Variants in SIPA1L3 observed in about 807,000 individuals in gnomAD.
SIPA1L3 encodes signal induced proliferation associated 1 like 3.
Under a neutral mutation model 150.1 loss-of-function variants are expected in SIPA1L3, and 59 were observed. The observed-to-expected ratio is 0.39, with a 90% confidence interval of 0.32 to 0.49. The LOEUF is 0.49. Among genes scored for constraint, SIPA1L3 ranks in the 20% least tolerant of loss-of-function variants. SIPA1L3 has a pLI of 0.86. For synonymous variants in SIPA1L3, 1,070 were observed against 1,077.6 expected, an observed-to-expected ratio of 0.99 and a Z score of 0.14; for missense variants, 2,211 against 2,489.5, an observed-to-expected ratio of 0.89 and a Z score of 2.38.
chr19:37,921,237 G>A (rs1196301191), intron 1 of SIPA1L3, among the ~76,000 whole-genome samples: 3 of 152,224 alleles, frequency 2.0e-5, no homozygotes, highest in Admixed American at 2.0e-4. Flanking sequence ...GCCGGCCGGC[G>A]TGCGCTCCCC....
rs1021645516 is a variant in SIPA1L3, at chr19:38,112,337, G to T, written c.2291+1953G>T. On this transcript the variant is annotated intron_variant, in intron 8 of 21. Coordinates refer to ENST00000222345, the MANE Select transcript of SIPA1L3 (RefSeq NM_015073.3). ...ATACACACATGCACACACTGGAAAA[G>T]GAGGCAGCCTTCTTATGATGCATCA... Among the ~76,000 whole-genome samples, 23 of 152,128 alleles carry T rather than the reference G, an allele frequency of 1.5e-4. 1 individual carries two copies. The highest frequency in any genetic ancestry group is 1.0e-3 in the Admixed American group (16 of 15,250).
intron 15 of SIPA1L3, among the ~76,000 whole-genome samples, 156 bp from the exon 16 acceptor site, chr19:38,182,363 G>A (rs1009741819): frequency 2.3e-4 from 35 of 152,182 alleles, no homozygotes; most frequent in South Asian, 6.2e-4. Context: ...ACAGATAGGC[G>A]TCTATACTGT....
chr19:37,918,501 G>T (rs978981086), intron 1 of SIPA1L3, among the ~76,000 whole-genome samples: 50 of 151,878 alleles, frequency 3.3e-4, no homozygotes, highest in African/African-American at 1.2e-3. Context: ...CTTGTGATCC[G>T]CCTGCCTCGG....
intron 2 of SIPA1L3, among the ~76,000 whole-genome samples, chr19:38,060,850 C>T (rs1349637506): frequency 6.6e-6 from 1 of 152,096 alleles, no homozygotes; most frequent in East Asian, 1.9e-4. Flanking sequence ...TGCCACCACA[C>T]CCAGCTAATT....
intron 18 of SIPA1L3, among the ~76,000 whole-genome samples, chr19:38,195,796 C>G (rs1445324305): frequency 9.1e-6 from 1 of 109,884 alleles, no homozygotes; most frequent in Non-Finnish European, 1.9e-5. Context: ...GGCCCCGTCC[C>G]CCCCCGCCCC....
intron 4 of SIPA1L3, among the ~76,000 whole-genome samples, chr19:38,090,055 C>A (rs961102224): frequency 6.6e-6 from 1 of 152,090 alleles, no homozygotes; most frequent in African/African-American, 2.4e-5. Flanking sequence ...ACTGGCCAGG[C>A]GCAGTGGCTC....
At chr19:37,948,756 T>A (rs1050694221) in intron 1 of SIPA1L3, among the ~76,000 whole-genome samples, 5 of 152,088 alleles carry the variant, frequency 3.3e-5, no homozygotes, top group Admixed American at 6.6e-5. Flanking sequence ...CGTAATGTTA[T>A]GTAGTGAGAA....
intron 16 of SIPA1L3, among the ~76,000 whole-genome samples, chr19:38,189,421 A>G (rs1487816028): frequency 1.3e-5 from 2 of 151,924 alleles, no homozygotes; most frequent in East Asian, 1.9e-4. Flanking sequence ...ATGAGCCACC[A>G]TGCCTGACCT....
chr19:38,155,089 A>G (rs193127830), intron 13 of SIPA1L3, among the ~76,000 whole-genome samples: 146 of 152,282 alleles, frequency 9.6e-4, no homozygotes, highest in African/African-American at 3.4e-3. Context: ...AGAAGGTGCC[A>G]AACTGTTTCC....
rs1009383263 is a variant in SIPA1L3 at position 38,206,438 on chromosome 19, C to T, written c.*198C>T. On this transcript the variant is annotated 3_prime_UTR_variant, in exon 22 of 22. Coordinates refer to ENST00000222345, the MANE Select transcript of SIPA1L3 (RefSeq NM_015073.3). Reference sequence around the variant, plus strand: ...CGCACAGCCCTCATGCCCCAGAGGGCGAAGTGGTCTCAGGCCTCCCTCCAA... The same window carrying T: ...CGCACAGCCCTCATGCCCCAGAGGGTGAAGTGGTCTCAGGCCTCCCTCCAA... 3.1e-5 allele frequency: 19 copies of T among 615,380 alleles called. No individual in the cohort carries two copies. Among genetic ancestry groups the T allele is most frequent in the East Asian group, 6.5e-5 (2 of 30,562 alleles). 38.1% of individuals were successfully genotyped at this position (615,380 alleles called of 1,614,324 possible).
chr19:38,191,195 C>T (rs916115122), intron 16 of SIPA1L3, among the ~76,000 whole-genome samples: 9 of 150,530 alleles, frequency 6.0e-5, no homozygotes, highest in African/African-American at 2.2e-4. Context: ...TCGCTTGAGC[C>T]CAGGAGTTTG....
At chr19:37,941,225 G>A (rs1279323912) in intron 1 of SIPA1L3, among the ~76,000 whole-genome samples, 1 of 152,052 alleles carries the variant, frequency 6.6e-6, no homozygotes, top group African/African-American at 2.4e-5. Flanking sequence ...GGTGTTAGTG[G>A]CCGTGGATGA....
At chr19:38,098,044 A>C (rs560567967) in intron 4 of SIPA1L3, among the ~76,000 whole-genome samples, 9 of 152,364 alleles carry the variant, frequency 5.9e-5, no homozygotes, top group African/African-American at 1.9e-4. Flanking sequence ...TGTAAATCAG[A>C]GATAAAACCT....
intron 1 of SIPA1L3, among the ~76,000 whole-genome samples, chr19:38,025,935 G>GT (rs1968499661): frequency 6.6e-6 from 1 of 152,160 alleles, no homozygotes; most frequent in African/African-American, 2.4e-5. Context: ...TATAGTGACT[G>GT]TTTCTAATTT....
intron 9 of SIPA1L3, among the ~76,000 whole-genome samples, chr19:38,126,870 A>G (rs1971186439): frequency 6.6e-6 from 1 of 152,122 alleles, no homozygotes; most frequent in Non-Finnish European, 1.5e-5. Flanking sequence ...AATTGCAAGC[A>G]TACACTAAAG....
At chr19:38,056,115 C>T (rs150906191) in intron 2 of SIPA1L3, among the ~76,000 whole-genome samples, 333 of 152,330 alleles carry the variant, frequency 2.2e-3, no homozygotes, top group African/African-American at 7.7e-3. Flanking sequence ...ACCAGGTACC[C>T]GGCTGAGGAT....
intron 1 of SIPA1L3, among the ~76,000 whole-genome samples, chr19:37,939,419 AAG>A (rs55967958): frequency 0.019 from 2,841 of 150,846 alleles, 94 homozygotes; most frequent in African/African-American, 0.066. Context: ...AAAAAAAAAA[AAG>A]GATTAGTTTC....
At chr19:38,136,899 C>T (rs984315938) in intron 10 of SIPA1L3, among the ~76,000 whole-genome samples, 3 of 152,198 alleles carry the variant, frequency 2.0e-5, no homozygotes, top group Non-Finnish European at 4.4e-5. Context: ...GGAAGTGAGG[C>T]TTTTGCTTCT....
At chr19:37,956,069 A>G (rs987956473) in intron 1 of SIPA1L3, among the ~76,000 whole-genome samples, 2 of 152,234 alleles carry the variant, frequency 1.3e-5, no homozygotes, top group Admixed American at 6.5e-5. Context: ...GGCGCACTAC[A>G]GTATCAAACT....
Sources: allele counts gnomAD v4.1 joint callset (sites outside exome capture counted in the v4.1 genomes callset), GRCh38; gene constraint gnomAD v4.1.1; transcripts MANE v1.5; gene names NCBI Gene and HGNC (gene_info 2026-07-23, HGNC 2026-07-21).